TENT4B: variants seen among roughly 807,000 people sequenced by gnomAD.
The protein encoded by TENT4B is terminal nucleotidyltransferase 4B, also known as PAP associated domain containing 5.
Under a neutral mutation model 75.0 loss-of-function variants are expected in TENT4B, and 10 were observed. The ratio of observed to expected loss-of-function variants is 0.13; its 90% CI spans 0.08 to 0.23. The LOEUF (loss-of-function observed/expected upper bound fraction) is 0.23. Ranked by LOEUF, TENT4B falls within the 10% of genes least tolerant of loss-of-function variation. The pLI is 1.00. For missense variants in TENT4B, 579 were observed against 893.8 expected (o/e 0.65, Z 4.49); for synonymous variants, 350 against 357.7 (o/e 0.98, Z 0.24).
At chr16:50,178,769 A>T (rs1835267835) in intron 1 of TENT4B, among the ~76,000 whole-genome samples, 1 of 152,204 alleles carries the variant, frequency 6.6e-6, no homozygotes, top group African/African-American at 2.4e-5. Context: ...TAGAAACAGT[A>T]ATTCAGTAAT....
intron 1 of TENT4B, among the ~76,000 whole-genome samples, chr16:50,177,006 T>C (rs551698213): frequency 1.3e-5 from 2 of 151,400 alleles, no homozygotes; most frequent in African/African-American, 4.9e-5. Flanking sequence ...AGGTAATATC[T>C]ATTTTTTTTT....
At position 50,178,033 on chromosome 16, in the gene TENT4B, T is replaced by A. The variant is rs12598338; in HGVS notation, c.638+23774T>A. On this transcript the variant is annotated intron_variant, in intron 1 of 11. Transcript: ENST00000561678. ...GTATTTTGGGATTTTTCTGGCTATCTTTCTGCTGTTGATTTCTAGTTTAAT... is the reference window on the plus strand; with the variant it reads ...GTATTTTGGGATTTTTCTGGCTATCATTCTGCTGTTGATTTCTAGTTTAAT... 2.6e-5 allele frequency among the ~76,000 whole-genome samples: 4 copies of A among 151,924 alleles called. No homozygotes were observed. The East Asian group carries it at 7.7e-4, about 29-fold the overall frequency.
intron 1 of TENT4B, among the ~76,000 whole-genome samples, chr16:50,205,998 T>C (rs1214728674): frequency 6.6e-6 from 1 of 151,894 alleles, no homozygotes; most frequent in African/African-American, 2.4e-5. Flanking sequence ...ATAGCTTTAT[T>C]TTTTTAAGAG....
intron 4 of TENT4B, among the ~76,000 whole-genome samples, chr16:50,216,529 C>A (rs1333272722): frequency 6.6e-6 from 1 of 152,216 alleles, no homozygotes; most frequent in Non-Finnish European, 1.5e-5. Context: ...CCAGACTGAT[C>A]TCCAACTCCT....
intron 1 of TENT4B, among the ~76,000 whole-genome samples, chr16:50,182,876 C>T (rs1360400658): frequency 4.6e-5 from 2 of 43,218 alleles, no homozygotes; most frequent in African/African-American, 1.2e-4. Context: ...CCAAGTACAG[C>T]AAGTTTTATT....
chr16:50,184,711 G>T (rs2038491462), intron 1 of TENT4B, among the ~76,000 whole-genome samples: 4 of 151,210 alleles, frequency 2.6e-5, no homozygotes, highest in South Asian at 2.1e-4. Context: ...ATGCTTGAGG[G>T]TTTTTTTTTA....
intron 1 of TENT4B, among the ~76,000 whole-genome samples, chr16:50,164,462 CCAT>C (rs1454134640): frequency 6.6e-6 from 1 of 152,002 alleles, no homozygotes; most frequent in Middle Eastern, 3.2e-3. Context: ...GCGCCCACCA[CCAT>C]ACCTGGCTAA....
At position 50,233,753 on chromosome 16, in the gene TENT4B, C is replaced by T. The variant is rs896730595; in HGVS notation, c.*4425C>T. ...AAGTGTGTACTTTATTGAGTTTAAC[C>T]TTGTCTGTAGCCTAGTAGCCTGAAA... On this transcript the variant is annotated 3_prime_UTR_variant, in exon 12 of 12. Transcript: ENST00000561678. The T allele has an allele frequency of 1.0e-5, 10 of 985,106 alleles. No homozygotes were observed. The African/African-American group carries it at 1.2e-4, about 12-fold the overall frequency. The allele number at this position is 985,106 out of a possible 1,614,324, so 61.0% of individuals were successfully genotyped here. A position where few individuals can be genotyped will look rare whatever the true frequency, so the allele number is the denominator to read the frequency against.
At chr16:50,197,137 A>G (rs1001283512) in intron 1 of TENT4B, among the ~76,000 whole-genome samples, 4 of 151,792 alleles carry the variant, frequency 2.6e-5, no homozygotes, top group Admixed American at 6.6e-5. Flanking sequence ...AAAAAAAAAC[A>G]GAGTACAACA....
intron 1 of TENT4B, among the ~76,000 whole-genome samples, chr16:50,155,272 G>GTGTGTGT (rs2037871396): frequency 5.9e-4 from 80 of 135,486 alleles, no homozygotes; most frequent in South Asian, 1.0e-3. Context: ...GGGTCTCGTG[G>GTGTGTGT]GTGTGTGTGT....
At chr16:50,221,985 G>A (rs937353073) in intron 5 of TENT4B, among the ~76,000 whole-genome samples, 4 of 152,124 alleles carry the variant, frequency 2.6e-5, no homozygotes, top group South Asian at 4.2e-4. Flanking sequence ...GGCTGGTCTC[G>A]AACTCCTGAC....
intron 1 of TENT4B, among the ~76,000 whole-genome samples, chr16:50,157,257 T>A (rs2150663771): frequency 6.6e-6 from 1 of 152,300 alleles, no homozygotes; most frequent in South Asian, 2.1e-4. Flanking sequence ...TCTTTTGTGT[T>A]CTCTGCTTCC....
intron 1 of TENT4B, among the ~76,000 whole-genome samples, chr16:50,190,514 G>A (rs1030379193): frequency 1.3e-5 from 2 of 151,832 alleles, no homozygotes; most frequent in African/African-American, 4.9e-5. Flanking sequence ...TGCCTATTCT[G>A]CATATTTTAT....
At chr16:50,180,324 C>T (rs7191302) in intron 1 of TENT4B, among the ~76,000 whole-genome samples, 2,630 of 152,208 alleles carry the variant, frequency 0.017, 90 homozygotes, top group African/African-American at 0.06. Flanking sequence ...AGGTTGGTCT[C>T]GAACTCCTAA....
At chr16:50,212,402 A>AG (rs2031330591) in intron 2 of TENT4B, among the ~76,000 whole-genome samples, 1 of 152,152 alleles carries the variant, frequency 6.6e-6, no homozygotes, top group South Asian at 2.1e-4. Flanking sequence ...GGGCACTTTG[A>AG]GGGCCTGTTC....
intron 4 of TENT4B, 108 bp downstream of exon 4, chr16:50,216,303 T>A (rs1206834406): frequency 1.4e-6 from 2 of 1,385,952 alleles, no homozygotes; most frequent in African/African-American, 2.9e-5. Flanking sequence ...AGTGATTCTT[T>A]CATTTTGTTA....
Position 50,224,651 on chromosome 16 carries a change from T to C in TENT4B, c.1382-6T>C, listed in dbSNP as rs1273860573. 2.5e-6 allele frequency: 4 copies of C among 1,613,774 alleles called. No homozygotes were observed. The highest frequency in any genetic ancestry group is 3.4e-6 in the Non-Finnish European group (4 of 1,179,862). The stretch of plus-strand genomic sequence containing the variant: ...GCTTACTATGTTACGTATATTTCTT[T>C]TAAAGGTAACGATGTTGGAAGGAGT... On this transcript the variant is annotated splice_polypyrimidine_tract_variant and splice_region_variant and intron_variant, in intron 7 of 11. Transcript: ENST00000561678.
intron 1 of TENT4B, among the ~76,000 whole-genome samples, chr16:50,155,865 C>G (rs1436094910): frequency 6.6e-6 from 1 of 152,088 alleles, no homozygotes; most frequent in Admixed American, 6.6e-5. Context: ...TCACTGTCAA[C>G]GAAAACCTTG....
chr16:50,209,127 G>A (rs1017572240), intron 1 of TENT4B, among the ~76,000 whole-genome samples: 4 of 152,140 alleles, frequency 2.6e-5, no homozygotes, highest in African/African-American at 9.7e-5. Flanking sequence ...AATTCGTAAG[G>A]GGGCCTTGAG....
Sources: allele counts gnomAD v4.1 joint callset (sites outside exome capture counted in the v4.1 genomes callset), GRCh38; gene constraint gnomAD v4.1.1; transcripts MANE v1.5; gene names NCBI Gene and HGNC (gene_info 2026-07-23, HGNC 2026-07-21).